The following RBPMS variants were observed in gnomAD, a reference collection of about 807,000 sequenced individuals.
RBPMS encodes the protein RNA binding protein, mRNA processing factor.
RBPMS carries 7 observed loss-of-function variants against 26.8 expected under a neutral mutation model. That is an observed-to-expected ratio of 0.26 (90% confidence interval 0.15 to 0.49). RBPMS has a LOEUF of 0.49. Ranked by LOEUF, RBPMS falls within the 20% of genes least tolerant of loss-of-function variation. The pLI, the probability that RBPMS is intolerant of heterozygous loss-of-function variation, is 0.98. For missense variants in RBPMS, 186 were observed against 250.0 expected (o/e 0.74, Z 1.73); for synonymous variants, 96 against 93.3 (o/e 1.03, Z -0.17).
intron 1 of RBPMS, among the ~76,000 whole-genome samples, chr8:30,453,350 A>G (rs1306659965): frequency 6.6e-6 from 1 of 152,214 alleles, no homozygotes; most frequent in Non-Finnish European, 1.5e-5. Flanking sequence ...ACATGAAAAT[A>G]TGGATGTGAA....
intron 1 of RBPMS, among the ~76,000 whole-genome samples, chr8:30,447,491 G>C (rs945049285): frequency 2.0e-5 from 3 of 152,172 alleles, no homozygotes; most frequent in Non-Finnish European, 4.4e-5. Context: ...AGACTGAACT[G>C]CATTATAGAG....
At chr8:30,469,415 G>T (rs969254131) in intron 1 of RBPMS, among the ~76,000 whole-genome samples, 1 of 152,248 alleles carries the variant, frequency 6.6e-6, no homozygotes, top group Non-Finnish European at 1.5e-5. Context: ...TGTAGCCTCT[G>T]CAGGAATGCT....
chr8:30,437,279 G>A (rs891151784), intron 1 of RBPMS, among the ~76,000 whole-genome samples: 4 of 151,490 alleles, frequency 2.6e-5, no homozygotes, highest in African/African-American at 9.7e-5. Flanking sequence ...TGTTAAAATT[G>A]ATCTTATCAG....
At chr8:30,519,547 G>A (rs373894759) in intron 5 of RBPMS, among the ~76,000 whole-genome samples, 33 of 134,298 alleles carry the variant, frequency 2.5e-4, no homozygotes, top group African/African-American at 8.7e-4. Flanking sequence ...GCAGTGGTGC[G>A]ATCTCGGCTC....
chr8:30,471,338 A>G (rs1021755689), intron 1 of RBPMS, among the ~76,000 whole-genome samples: 3 of 152,210 alleles, frequency 2.0e-5, no homozygotes, highest in Non-Finnish European at 4.4e-5. Flanking sequence ...TTTTGTTCAT[A>G]ATCCCCAGAT....
rs187920434 is a variant in RBPMS, at chr8:30,484,424, A to T, written c.246+5047A>T. 1.3e-3 allele frequency among the ~76,000 whole-genome samples: 201 copies of T among 152,204 alleles called. 2 individuals carry two copies. The highest frequency in any genetic ancestry group is 0.012 in the South Asian group (59 of 4,812). Reference sequence around the variant, plus strand: ...TCAATAAGTAACAGAAGGGGGAAAAACTCAACCCTCATATTACTCTTTTAA... The same window carrying T: ...TCAATAAGTAACAGAAGGGGGAAAATCTCAACCCTCATATTACTCTTTTAA... On this transcript the variant is annotated intron_variant, in intron 4 of 8. Transcript: ENST00000397323.
intron 7 of RBPMS, among the ~76,000 whole-genome samples, chr8:30,562,605 T>C (rs1827592958): frequency 6.6e-6 from 1 of 152,162 alleles, no homozygotes; most frequent in Non-Finnish European, 1.5e-5. Context: ...AGCTGTGTAA[T>C]CTTAGGCAAA....
At chr8:30,485,162 GTC>G (rs1296874155) in intron 4 of RBPMS, among the ~76,000 whole-genome samples, 2 of 152,326 alleles carry the variant, frequency 1.3e-5, no homozygotes, top group South Asian at 4.1e-4. Context: ...TGGTTAGACA[GTC>G]TCTGTTTCCT....
chr8:30,431,396 TTTCTC>T (rs1289432550), intron 1 of RBPMS, among the ~76,000 whole-genome samples: 7 of 151,840 alleles, frequency 4.6e-5, no homozygotes, highest in Non-Finnish European at 1.0e-4. Flanking sequence ...TTCTTTTCTT[TTTCTC>T]TTTTCTTTCT....
intron 5 of RBPMS, among the ~76,000 whole-genome samples, chr8:30,542,431 AG>A (rs1339970526): frequency 6.6e-5 from 10 of 152,216 alleles, no homozygotes; most frequent in Non-Finnish European, 1.3e-4. Context: ...AAGTTTCTAA[AG>A]GAAGGACCTA....
intron 5 of RBPMS, among the ~76,000 whole-genome samples, chr8:30,512,541 G>A (rs1209214724): frequency 2.6e-5 from 4 of 152,022 alleles, no homozygotes; most frequent in Non-Finnish European, 5.9e-5. Context: ...GTACAGTGGT[G>A]CAATCATAGT....
intron 1 of RBPMS, among the ~76,000 whole-genome samples, chr8:30,468,797 C>T (rs1442944583): frequency 1.3e-5 from 2 of 152,134 alleles, no homozygotes; most frequent in Non-Finnish European, 2.9e-5. Flanking sequence ...ACATACAGCA[C>T]ATTTAAAAGC....
At chr8:30,510,793 G>C (rs1222847306) in intron 5 of RBPMS, among the ~76,000 whole-genome samples, 1 of 152,100 alleles carries the variant, frequency 6.6e-6, no homozygotes, top group Non-Finnish European at 1.5e-5. Flanking sequence ...TGGCCAGGCT[G>C]GTCTCCTGGG....
chr8:30,534,739 C>G (rs918853387), intron 5 of RBPMS, among the ~76,000 whole-genome samples: 1 of 152,190 alleles, frequency 6.6e-6, no homozygotes, highest in Non-Finnish European at 1.5e-5. Context: ...CATCAGTTTC[C>G]TAGGTCAGTG....
chr8:30,517,916 G>A (rs1291179685), intron 5 of RBPMS, among the ~76,000 whole-genome samples: 1 of 152,214 alleles, frequency 6.6e-6, no homozygotes, highest in African/African-American at 2.4e-5. Flanking sequence ...TGAAAGTGTA[G>A]GGAGAAAGAA....
chr8:30,414,627 T>C (rs150752761), intron 1 of RBPMS, among the ~76,000 whole-genome samples: 2 of 152,324 alleles, frequency 1.3e-5, no homozygotes, highest in East Asian at 3.9e-4. Context: ...ACATGCCCTA[T>C]GGATAGTACA....
At chr8:30,488,404 C>A (rs1408173577) in intron 4 of RBPMS, among the ~76,000 whole-genome samples, 2 of 152,014 alleles carry the variant, frequency 1.3e-5, no homozygotes, top group African/African-American at 4.8e-5. Context: ...GTAATGATGT[C>A]CAAATAAAAG....
At chr8:30,514,978 T>TA (rs1439831341) in intron 5 of RBPMS, among the ~76,000 whole-genome samples, 1 of 152,190 alleles carries the variant, frequency 6.6e-6, no homozygotes, top group African/African-American at 2.4e-5. Flanking sequence ...AATGGATTTT[T>TA]AAAAATCTTT....
intron 5 of RBPMS, among the ~76,000 whole-genome samples, chr8:30,534,272 T>G (rs1006866571): frequency 2.6e-5 from 4 of 152,206 alleles, no homozygotes; most frequent in African/African-American, 9.7e-5. Context: ...CTGTATGACC[T>G]TGGACAAGTC....
Sources: gnomAD v4.1 joint callset for allele counts (sites outside exome capture counted in the v4.1 genomes callset) on GRCh38, gnomAD v4.1.1 for gene constraint, MANE v1.5 for transcripts, NCBI Gene and HGNC (gene_info 2026-07-23, HGNC 2026-07-21) for gene names.